The following ATOSB variants were observed in gnomAD, a reference collection of about 807,000 sequenced individuals.
ATOSB encodes the protein atos homolog protein B.
At chr9:35,112,916 C>G in the ATOSB span, among the ~76,000 whole-genome samples, 3 of 152,090 alleles carry the variant, frequency 2.0e-5, no homozygotes, top group Non-Finnish European at 4.4e-5. Context: ...CAGTCCTAGA[C>G]TTGGGAGACA....
At chr9:35,106,928 A>G in the ATOSB span, 2 of 1,537,628 alleles carry the variant, frequency 1.3e-6, no homozygotes. This position sits in a 1 kb window ranked among gnomAD's most constrained non-coding sequence, Gnocchi z 4.6. Context: ...ACACAGGGTG[A>G]AGGCCATGTA....
At chr9:35,107,584 CA>C in the ATOSB span, 1 of 1,587,556 alleles carries the variant, frequency 6.3e-7, no homozygotes, top group Non-Finnish European at 8.6e-7. Context: ...GGTCCAGGGC[CA>C]GGGGGTGTGT....
the ATOSB span, chr9:35,105,798 C>T: frequency 6.2e-7 from 1 of 1,614,054 alleles, no homozygotes; most frequent in East Asian, 2.2e-5. This position sits in a 1 kb window ranked among gnomAD's most constrained non-coding sequence, Gnocchi z 5.5. Context: ...CAGGCATGTC[C>T]GAGAAGTCAA....
At chr9:35,107,319 C>CA in the ATOSB span, 87,053 of 1,130,732 alleles carry the variant, frequency 0.077, 6 homozygotes, top group Non-Finnish European at 0.08. Flanking sequence ...GATCCCATCT[C>CA]AAAAAAAAAA....
the ATOSB span, chr9:35,108,247 G>A: frequency 3.2e-6 from 5 of 1,568,188 alleles, no homozygotes; most frequent in Non-Finnish European, 4.3e-6. Context: ...TCTGAGGATG[G>A]AGACGGCTCC....
chr9:35,107,829 T>C, the ATOSB span: 4 of 1,594,548 alleles, frequency 2.5e-6, no homozygotes, highest in Admixed American at 7.0e-5. Context: ...GCAGGAAGCA[T>C]TTGATGGGGG....
the ATOSB span, chr9:35,107,336 A>G: frequency 6.4e-7 from 1 of 1,552,466 alleles, no homozygotes; most frequent in Admixed American, 2.1e-5. Context: ...AAAAAAAAAA[A>G]AAAAAAAGTA....
At chr9:35,106,391 C>T in the ATOSB span, 13 of 1,614,188 alleles carry the variant, frequency 8.1e-6, no homozygotes, top group Non-Finnish European at 1.0e-5. The surrounding 1 kb of genome is among the most constrained non-coding windows in gnomAD (Gnocchi z 4.6). Context: ...TGGTGCAAAA[C>T]GTCCTCGCAG....
chr9:35,107,714 G>C, the ATOSB span: 1 of 1,602,554 alleles, frequency 6.2e-7, no homozygotes, highest in Non-Finnish European at 8.5e-7. Context: ...GCAAATCAGT[G>C]TCAAGTGTGT....
the ATOSB span, chr9:35,107,387 A>G: frequency 1.2e-6 from 2 of 1,613,310 alleles, no homozygotes; most frequent in South Asian, 2.2e-5. Context: ...TTACCAAAAC[A>G]GGCTCTTTGG....
the ATOSB span, chr9:35,107,642 G>T: frequency 1.9e-5 from 31 of 1,605,232 alleles, no homozygotes; most frequent in Non-Finnish European, 2.6e-5. Flanking sequence ...CCCTAGGCCA[G>T]AGGCTACCCC....
the ATOSB span, chr9:35,105,385 A>G: frequency 1.2e-6 from 2 of 1,602,692 alleles, no homozygotes; most frequent in Non-Finnish European, 1.7e-6. The surrounding 1 kb of genome is among the most constrained non-coding windows in gnomAD (Gnocchi z 5.5). Flanking sequence ...CTGGAGGAGG[A>G]CAATGTGATC....
At chr9:35,110,337 T>C in the ATOSB span, 2 of 152,510 alleles carry the variant, frequency 1.3e-5, no homozygotes, top group East Asian at 3.9e-4. Flanking sequence ...GCCTTTTCCC[T>C]AGCACCACCA....
chr9:35,114,616 C>T, the ATOSB span, among the ~76,000 whole-genome samples: 53 of 152,154 alleles, frequency 3.5e-4, no homozygotes, highest in Non-Finnish European at 2.4e-4. Context: ...ATAGTGCTTC[C>T]AAGCCTGGAG....
At chr9:35,105,156 T>C in the ATOSB span, 7 of 1,521,814 alleles carry the variant, frequency 4.6e-6, no homozygotes, top group African/African-American at 9.7e-5. The surrounding 1 kb of genome is among the most constrained non-coding windows in gnomAD (Gnocchi z 5.5). Flanking sequence ...TCTCTCCATA[T>C]ATGTTCTCTA....
chr9:35,106,162 A>C, the ATOSB span: 1 of 1,563,958 alleles, frequency 6.4e-7, no homozygotes, highest in Non-Finnish European at 8.7e-7. This position sits in a 1 kb window ranked among gnomAD's most constrained non-coding sequence, Gnocchi z 4.6. Flanking sequence ...TAGGTGAGGA[A>C]TAAGTAAGAA....
the ATOSB span, chr9:35,104,487 A>G: frequency 5.2e-6 from 1 of 192,336 alleles, no homozygotes; most frequent in East Asian, 1.8e-4. Flanking sequence ...GGAGAGGGAC[A>G]ACTGGAGTCT....
At chr9:35,114,642 C>T in the ATOSB span, among the ~76,000 whole-genome samples, 1 of 152,124 alleles carries the variant, frequency 6.6e-6, no homozygotes, top group Middle Eastern at 3.2e-3. Context: ...GGAGCCACTC[C>T]CTCTTCCTCC....
the ATOSB span, among the ~76,000 whole-genome samples, chr9:35,111,896 C>T: frequency 1.3e-5 from 2 of 152,190 alleles, no homozygotes; most frequent in Admixed American, 1.3e-4. Context: ...ACATCTTACC[C>T]CTCCGCCCTA....
Sources: allele counts gnomAD v4.1 joint callset (sites outside exome capture counted in the v4.1 genomes callset), GRCh38; gene constraint gnomAD v4.1.1; non-coding constraint Gnocchi (gnomAD v3.1); transcripts MANE v1.5; gene names NCBI Gene and HGNC (gene_info 2026-07-23, HGNC 2026-07-21).